Variants in PAX3 observed in about 807,000 individuals in gnomAD.
The protein encoded by PAX3 is paired box protein Pax-3.
PAX3 carries 14 observed loss-of-function variants against 51.6 expected under a neutral mutation model. The observed-to-expected ratio is 0.27, with a 90% confidence interval of 0.18 to 0.42. The LOEUF is 0.42. Among genes scored for constraint, PAX3 ranks in the 10% least tolerant of loss-of-function variants. The probability of loss-of-function intolerance (pLI) is 1.00; values close to 1 mark genes in which losing one functional copy is unlikely to be tolerated. For synonymous variants in PAX3, 280 were observed against 253.4 expected (o/e 1.11, Z -1.00); for missense variants, 540 against 642.8 (o/e 0.84, Z 1.73).
chr2:222,215,512 AT>A (rs1350883178), intron 7 of PAX3, among the ~76,000 whole-genome samples: 1 of 152,010 alleles, frequency 6.6e-6, no homozygotes, highest in Non-Finnish European at 1.5e-5. Flanking sequence ...GCATGAAATG[AT>A]AAAAGTTTGT....
intron 4 of PAX3, among the ~76,000 whole-genome samples, chr2:222,269,306 G>C (rs1383177533): frequency 2.0e-5 from 3 of 152,090 alleles, no homozygotes; most frequent in African/African-American, 7.2e-5. Flanking sequence ...GCCCAGGTTC[G>C]TCCCTACCCT....
At chr2:222,203,033 A>ATATATATG (rs1691366776) in intron 7 of PAX3, among the ~76,000 whole-genome samples, 1 of 111,906 alleles carries the variant, frequency 8.9e-6, no homozygotes, top group Non-Finnish European at 1.7e-5. Flanking sequence ...ATATATATAT[A>ATATATATG]TATATATATA....
At chr2:222,293,289 C>A (rs45533737) in intron 4 of PAX3, among the ~76,000 whole-genome samples, 1 of 152,242 alleles carries the variant, frequency 6.6e-6, no homozygotes, top group Admixed American at 6.5e-5. Context: ...CCCCTCCCCC[C>A]TGCCGTCTCC....
intron 7 of PAX3, among the ~76,000 whole-genome samples, chr2:222,209,227 A>G (rs1421347122): frequency 1.3e-5 from 2 of 152,182 alleles, no homozygotes; most frequent in African/African-American, 4.8e-5. Context: ...CTTTCACACT[A>G]TGTATGATGT....
At chr2:222,281,313 T>G (rs1694637107) in intron 4 of PAX3, among the ~76,000 whole-genome samples, 1 of 152,220 alleles carries the variant, frequency 6.6e-6, no homozygotes. Context: ...CCCATCTACT[T>G]GGGAATCACG....
At chr2:222,230,901 C>A (rs1692569218) in intron 5 of PAX3, among the ~76,000 whole-genome samples, 1 of 151,706 alleles carries the variant, frequency 6.6e-6, no homozygotes, top group African/African-American at 2.4e-5. Context: ...TTCTCAACTC[C>A]CATTGCACTT....
Position 222,295,585 on chromosome 2 carries a change from C to T in PAX3, c.394G>A (p.Glu132Lys). Residue 132 changes from glutamate to lysine, a missense_variant, in exon 3 of 9, where the codon GAA (glutamate) becomes AAA (lysine). Around this residue, in one of 3 missense-constraint regions of PAX3, gnomAD observed 427 missense variants for 483.6 expected, o/e 0.88. Coordinates refer to ENST00000392070, the MANE Select transcript of PAX3 (RefSeq NM_181458.4). ...TCCTTGAGTAATTTGTCTCGGATTT[C>T]CCAGCTGAACATGCCCGGGTTCTCT... ...KRENPGMFSW[E>K]IRDKLLKDAV... 12 of 1,614,216 alleles carry T rather than the reference C, an allele frequency of 7.4e-6. No individual in the cohort carries two copies. The highest frequency in any genetic ancestry group is 1.0e-5 in the Non-Finnish European group (12 of 1,180,034).
intron 4 of PAX3, among the ~76,000 whole-genome samples, chr2:222,281,430 A>G (rs1046435439): frequency 6.6e-5 from 10 of 152,228 alleles, no homozygotes; most frequent in Admixed American, 5.9e-4. Context: ...TCTCCCCAGA[A>G]AACACCTGCT....
intron 4 of PAX3, among the ~76,000 whole-genome samples, chr2:222,236,808 C>T (rs1006753564): frequency 6.6e-6 from 1 of 152,112 alleles, no homozygotes; most frequent in African/African-American, 2.4e-5. Context: ...TCATATTTTA[C>T]AGATGCCTTC....
intron 7 of PAX3, among the ~76,000 whole-genome samples, chr2:222,203,012 CATATATATATATATATAT>C (rs71053057): frequency 0.019 from 784 of 41,200 alleles, 53 homozygotes; most frequent in Middle Eastern, 0.062. Flanking sequence ...ACAACCATTT[CATATATATATATATATAT>C]ATATATATAT....
At chr2:222,266,618 A>T (rs1331609736) in intron 4 of PAX3, among the ~76,000 whole-genome samples, 2 of 152,206 alleles carry the variant, frequency 1.3e-5, no homozygotes, top group African/African-American at 4.8e-5. Flanking sequence ...CAGCTGCTAC[A>T]CAATCTCTCT....
chr2:222,201,781 CA>C, intron 8 of PAX3, 162 bp downstream of exon 8: 1 of 1,503,754 alleles, frequency 6.7e-7, no homozygotes, highest in Non-Finnish European at 8.8e-7. Context: ...AATAATTACA[CA>C]AGGAAGCCCC....
chr2:222,253,546 C>A (rs554186479), intron 4 of PAX3, among the ~76,000 whole-genome samples: 1 of 152,072 alleles, frequency 6.6e-6, no homozygotes, highest in South Asian at 2.1e-4. Context: ...TAGGACACAA[C>A]CTACAACATA....
chr2:222,280,359 A>C (rs1226806257), intron 4 of PAX3, among the ~76,000 whole-genome samples: 1 of 148,860 alleles, frequency 6.7e-6, no homozygotes, highest in Non-Finnish European at 1.5e-5. Context: ...AAAAGAAAGA[A>C]AGAGAGAAAT....
chr2:222,271,202 C>T (rs1694240309), intron 4 of PAX3, among the ~76,000 whole-genome samples: 1 of 152,166 alleles, frequency 6.6e-6, no homozygotes, highest in African/African-American at 2.4e-5. Flanking sequence ...GGACAAATCT[C>T]TTAACCCCAA....
rs758983619 is a variant in PAX3 at position 222,284,749 on chromosome 2, A to AC, written c.586+9417_586+9418insG. Among the ~76,000 whole-genome samples, 371 of 152,118 alleles carry AC rather than the reference A, an allele frequency of 2.4e-3. 1 individual carries two copies. Among genetic ancestry groups the AC allele is most frequent in the Middle Eastern group, 6.8e-3 (2 of 294 alleles). ...GTCACTTTCTGAGTGTTCAGAGATT[A>AC]TTTCCCCCCCGACCAAGACTTTTGA... On this transcript the variant is annotated intron_variant, in intron 4 of 8. Coordinates refer to ENST00000392070, the MANE Select transcript of PAX3 (RefSeq NM_181458.4).
intron 7 of PAX3, among the ~76,000 whole-genome samples, chr2:222,218,579 C>T (rs988919287): frequency 1.4e-4 from 22 of 152,184 alleles, no homozygotes; most frequent in Middle Eastern, 3.4e-3. Flanking sequence ...TAAAAAATCG[C>T]GGAGATAAGT....
intron 7 of PAX3, among the ~76,000 whole-genome samples, chr2:222,217,065 A>C (rs6749169): frequency 0.07 from 10,729 of 152,274 alleles, 614 homozygotes; most frequent in Admixed American, 0.18. Context: ...AGTTGTATGC[A>C]CTACTTTCTA....
intron 4 of PAX3, among the ~76,000 whole-genome samples, chr2:222,292,348 T>C (rs528993528): frequency 1.1e-4 from 17 of 152,350 alleles, no homozygotes; most frequent in Admixed American, 1.0e-3. Context: ...GAGCTTTGTC[T>C]GGGCTGAGCT....
Sources: allele counts gnomAD v4.1 joint callset (sites outside exome capture counted in the v4.1 genomes callset), GRCh38; gene constraint gnomAD v4.1.1; regional missense constraint gnomAD v4.1.1; transcripts MANE v1.5; gene names NCBI Gene and HGNC (gene_info 2026-07-23, HGNC 2026-07-21).